PDIK1L: variants seen among roughly 807,000 people sequenced by gnomAD.
PDIK1L encodes serine/threonine-protein kinase PDIK1L.
A neutral mutation model predicts 27.1 loss-of-function variants in PDIK1L; 9 were observed. The ratio of observed to expected loss-of-function variants is 0.33; its 90% CI spans 0.20 to 0.58. The LOEUF (loss-of-function observed/expected upper bound fraction) is 0.58, where lower values mean the gene tolerates loss of function less well. Among genes scored for constraint, PDIK1L ranks in the 20% least tolerant of loss-of-function variants. The pLI is 0.86. For missense variants in PDIK1L, 216 were observed against 413.2 expected, an observed-to-expected ratio of 0.52 and a Z score of 4.14; for synonymous variants, 130 against 141.7, an observed-to-expected ratio of 0.92 and a Z score of 0.59.
chr1:26,119,992 C>T (rs1302295301), intron 2 of PDIK1L, among the ~76,000 whole-genome samples: 1 of 152,226 alleles, frequency 6.6e-6, no homozygotes, highest in Non-Finnish European at 1.5e-5. Context: ...CCTAAGAGAA[C>T]AGGGAAGCCA....
At position 26,123,620 on chromosome 1, in the gene PDIK1L, G is replaced by T. The variant is rs1466978917; in HGVS notation, c.*1043G>T. On this transcript the variant is annotated 3_prime_UTR_variant, in exon 3 of 3. Transcript: ENST00000374269. ...GCCTGCCCTGATATGATCACTTGTT[G>T]AGTCACTGGAGTTCCTTTCATTTTG... 1 of 152,580 alleles carries T rather than the reference G, an allele frequency of 6.6e-6. No individual in the cohort carries two copies. The highest frequency in any genetic ancestry group is 1.5e-5 in the Non-Finnish European group (1 of 68,024). 9.5% of individuals were successfully genotyped at this position (152,580 alleles called of 1,614,324 possible). A position where few individuals can be genotyped will look rare whatever the true frequency, so the allele number is the denominator to read the frequency against.
At chr1:26,113,800 C>A (rs2087838205) in intron 1 of PDIK1L, among the ~76,000 whole-genome samples, 1 of 152,048 alleles carries the variant, frequency 6.6e-6, no homozygotes, top group Non-Finnish European at 1.5e-5. Context: ...TGCTTGCTTG[C>A]TTGTTTTTTC....
intron 2 of PDIK1L, among the ~76,000 whole-genome samples, chr1:26,120,549 A>C (rs1028923211): frequency 1.3e-5 from 2 of 152,240 alleles, no homozygotes; most frequent in Non-Finnish European, 2.9e-5. Context: ...AGAAAGTACC[A>C]GTAGATTTAA....
In PDIK1L at chr1:26,114,332, C is replaced by T. The variant is rs763294417; in HGVS notation, c.24C>T (p.Tyr8=). 30 of 1,611,644 alleles carry T rather than the reference C, an allele frequency of 1.9e-5. No homozygotes were observed. The highest frequency in any genetic ancestry group is 3.3e-5 in the Admixed American group (2 of 59,934). ...AGATGGTGAGTAGCCAGCCAAAGTACGATCTAATACGGGAGGTAGGCCGAG... is the reference window on the plus strand; with the variant it reads ...AGATGGTGAGTAGCCAGCCAAAGTATGATCTAATACGGGAGGTAGGCCGAG... The part of the protein sequence containing the change: MVSSQPK[Y]DLIREVGRGS... Residue 8 remains tyrosine (Y), a synonymous_variant, in exon 2 of 3, where the codon TAC becomes TAT. Coordinates refer to ENST00000374269, the MANE Select transcript of PDIK1L (RefSeq NM_152835.5). This position sits in a 1 kb window ranked among gnomAD's most constrained non-coding sequence, Gnocchi z 4.8.
chr1:26,114,056 A>G lies in PDIK1L; in HGVS notation c.-17-236A>G, dbSNP rs60547022. Among the ~76,000 whole-genome samples the G allele has an allele frequency of 6.6e-6, 1 of 152,360 alleles. No individual in the cohort carries two copies. The highest frequency in any genetic ancestry group is 2.4e-5 in the African/African-American group (1 of 41,582). Reference sequence around the variant, plus strand: ...ATAGTATCTATCTCATCAGATTATTATGAGGATTAACTGAATTTAATATTC... The same window carrying G: ...ATAGTATCTATCTCATCAGATTATTGTGAGGATTAACTGAATTTAATATTC... On this transcript the variant is annotated intron_variant, in intron 1 of 2. Coordinates refer to ENST00000374269, the MANE Select transcript of PDIK1L (RefSeq NM_152835.5). This position sits in a 1 kb window ranked among gnomAD's most constrained non-coding sequence, Gnocchi z 4.8.
At chr1:26,113,918 G>A (rs1027008879) in intron 1 of PDIK1L, among the ~76,000 whole-genome samples, 8 of 152,150 alleles carry the variant, frequency 5.3e-5, no homozygotes, top group Admixed American at 3.9e-4. Flanking sequence ...GATCGTGGTC[G>A]TCTGAGGCAG....
At position 26,112,274 on chromosome 1, in the gene PDIK1L, C is replaced by G. The variant is rs1413745853; in HGVS notation, c.-18+359C>G. On this transcript the variant is annotated intron_variant, in intron 1 of 2. Coordinates refer to ENST00000374269, the MANE Select transcript of PDIK1L (RefSeq NM_152835.5). ...CGCCGCGTCGGGCAACACCTCTGGC[C>G]GCGACTGGCCCTTCCCGGGCGCCGG... Among the ~76,000 whole-genome samples the G allele has an allele frequency of 2.0e-5, 3 of 152,316 alleles. No homozygotes were observed. In the East Asian group the frequency reaches 5.8e-4, roughly 29 times the overall value.
rs768894529 is a variant in PDIK1L at position 26,114,298 on chromosome 1, C to T, written c.-11C>T. Reference sequence around the variant, plus strand: ...ACTTTGTTGATTTTTCCAGAAACCTCGACCTTGAAGATGGTGAGTAGCCAG... The same window carrying T: ...ACTTTGTTGATTTTTCCAGAAACCTTGACCTTGAAGATGGTGAGTAGCCAG... On this transcript the variant is annotated 5_prime_UTR_variant, in exon 2 of 3. An upstream open reading frame in the 5' UTR gains an earlier in-frame stop. Transcript: ENST00000374269. The surrounding 1 kb of genome is among the most constrained non-coding windows in gnomAD (Gnocchi z 4.8). The T allele has an allele frequency of 4.4e-6, 7 of 1,602,794 alleles. No homozygotes were observed. The highest frequency in any genetic ancestry group is 2.2e-5 in the South Asian group (2 of 90,582).
chr1:26,119,695 C>CA (rs201414838), intron 2 of PDIK1L, among the ~76,000 whole-genome samples: 2,406 of 151,886 alleles, frequency 0.016, 75 homozygotes, highest in African/African-American at 0.054. Flanking sequence ...CCTGTCTCTA[C>CA]AAAAAATTCA....
intron 2 of PDIK1L, among the ~76,000 whole-genome samples, chr1:26,117,142 C>A (rs577804432): frequency 6.6e-6 from 1 of 150,904 alleles, no homozygotes; most frequent in Admixed American, 6.6e-5. Flanking sequence ...AGTGATTCTC[C>A]TGGCTCAACC....
intron 1 of PDIK1L, among the ~76,000 whole-genome samples, chr1:26,113,975 C>T (rs185370900): frequency 6.6e-6 from 1 of 152,262 alleles, no homozygotes; most frequent in Admixed American, 6.5e-5. Flanking sequence ...AGCTGTTGAC[C>T]TTAGGCGTTT....
chr1:26,124,640 G>A lies in PDIK1L; in HGVS notation c.*2063G>A, dbSNP rs1318322959. 3.9e-5 allele frequency: 6 copies of A among 152,158 alleles called. No individual in the cohort carries two copies. Among genetic ancestry groups the A allele is most frequent in the Admixed American group, 1.3e-4 (2 of 15,260 alleles). 9.4% of individuals were successfully genotyped at this position (152,158 alleles called of 1,614,324 possible). A position where few individuals can be genotyped will look rare whatever the true frequency, so the allele number is the denominator to read the frequency against. ...ATAGTTAATGATTATCATTTACTTG[G>A]AAAGATTTTACCTGTGAAGTGAAAT... On this transcript the variant is annotated 3_prime_UTR_variant, in exon 3 of 3. Coordinates refer to ENST00000374269, the MANE Select transcript of PDIK1L (RefSeq NM_152835.5).
At position 26,122,507 on chromosome 1, in the gene PDIK1L, G is replaced by A. The variant is rs1294106792; in HGVS notation, c.956G>A (p.Arg319His). The change falls in exon 3 of 3, where the codon CGT becomes CAT. Residue 319 changes from arginine to histidine, a missense_variant. Arg to His is a conservative substitution (Grantham distance 29). Around this residue, in one of 2 missense-constraint regions of PDIK1L, gnomAD observed 169 missense variants for 366.0 expected, o/e 0.46. Coordinates refer to ENST00000374269, the MANE Select transcript of PDIK1L (RefSeq NM_152835.5). This position sits in a 1 kb window ranked among gnomAD's most constrained non-coding sequence, Gnocchi z 5.4. ...ATGCTGGCTGCAAACCCTCAGGATC[G>A]TCCAGATGCTTTTGAACTAGAACTC... ...KEMLAANPQD[R>H]PDAFELELRL... 1 of 1,613,998 alleles carries A rather than the reference G, an allele frequency of 6.2e-7. No homozygotes were observed. Among genetic ancestry groups the A allele is most frequent in the Non-Finnish European group, 8.5e-7 (1 of 1,179,980 alleles).
Position 26,115,161 on chromosome 1 carries a change from A to G in PDIK1L, c.285+568A>G, listed in dbSNP as rs113892711. On this transcript the variant is annotated intron_variant, in intron 2 of 2. Transcript: ENST00000374269. ...GCATGCAGTTCGATGCTCTGTGCTG[A>G]GTGCTTTAAAAGCAGTTGCTCAAAA... Among the ~76,000 whole-genome samples the G allele has an allele frequency of 5.3e-4, 81 of 152,342 alleles. 1 individual carries two copies. The highest frequency in any genetic ancestry group is 1.6e-3 in the Admixed American group (25 of 15,292).
rs1199658790 is a variant in PDIK1L, at chr1:26,124,200, G to T, written c.*1623G>T. On this transcript the variant is annotated 3_prime_UTR_variant, in exon 3 of 3. Coordinates refer to ENST00000374269, the MANE Select transcript of PDIK1L (RefSeq NM_152835.5). The stretch of plus-strand genomic sequence containing the variant: ...AATGTAAAACATCACAAAAAAAATT[G>T]CAGTACATAAAATTTCTGGACTATG... The T allele has an allele frequency of 6.6e-6, 1 of 152,450 alleles. No individual in the cohort carries two copies. The highest frequency in any genetic ancestry group is 2.4e-5 in the African/African-American group (1 of 41,436). 9.4% of individuals were successfully genotyped at this position (152,450 alleles called of 1,614,324 possible). A position where few individuals can be genotyped will look rare whatever the true frequency, so the allele number is the denominator to read the frequency against.
At chr1:26,120,950 C>CAAAAAAA (rs11316360) in intron 2 of PDIK1L, among the ~76,000 whole-genome samples, 1 of 96,312 alleles carries the variant, frequency 1.0e-5, no homozygotes, top group African/African-American at 3.8e-5. Context: ...GACTCCGTCT[C>CAAAAAAA]AAAAAAAAAA....
intron 1 of PDIK1L, among the ~76,000 whole-genome samples, chr1:26,112,195 G>A (rs947750122): frequency 6.6e-6 from 1 of 152,222 alleles, no homozygotes; most frequent in Admixed American, 6.5e-5. Context: ...CTTCATCTGA[G>A]CACGGCCGAG....
In PDIK1L at chr1:26,122,059, A is replaced by T; in HGVS notation, c.508A>T (p.Ile170Phe). ...CCACCGAGATCTTAAGCCTGATAAC[A>T]TCCTGATTTCTCAAACCAGGTTGGA... is the stretch of plus-strand genomic sequence containing the variant. ...IIHRDLKPDN[I>F]LISQTRLDTS... Residue 170 changes from isoleucine to phenylalanine, a missense_variant, in exon 3 of 3, where the codon ATC becomes TTC. Ile to Phe is a conservative substitution (Grantham distance 21, BLOSUM62 0). Coordinates refer to ENST00000374269, the MANE Select transcript of PDIK1L (RefSeq NM_152835.5). The surrounding 1 kb of genome is among the most constrained non-coding windows in gnomAD (Gnocchi z 5.4). The T allele has an allele frequency of 6.2e-7, 1 of 1,614,030 alleles. No individual in the cohort carries two copies. The highest frequency in any genetic ancestry group is 8.5e-7 in the Non-Finnish European group (1 of 1,180,008).
intron 2 of PDIK1L, among the ~76,000 whole-genome samples, chr1:26,117,734 C>T (rs1439179010): frequency 1.3e-5 from 2 of 151,846 alleles, no homozygotes; most frequent in Non-Finnish European, 2.9e-5. Context: ...CAGAACGAGA[C>T]TCCATCTCCA....
Sources: gnomAD v4.1 joint callset for allele counts (sites outside exome capture counted in the v4.1 genomes callset) on GRCh38, gnomAD v4.1.1 for gene constraint, gnomAD v4.1.1 regional missense constraint, Gnocchi (gnomAD v3.1) non-coding constraint, MANE v1.5 for transcripts, NCBI Gene and HGNC (gene_info 2026-07-23, HGNC 2026-07-21) for gene names.